MYCBP2: variants seen among roughly 807,000 people sequenced by gnomAD.
MYCBP2 encodes the protein MYC binding protein 2, also known as E3 ubiquitin-protein ligase MYCBP2.
In MYCBP2, 120 loss-of-function variants were observed where a neutral mutation model predicts 525.3. The ratio of observed to expected loss-of-function variants is 0.23; its 90% CI spans 0.20 to 0.27. MYCBP2 has a LOEUF of 0.27. Among genes scored for constraint, MYCBP2 ranks in the 10% least tolerant of loss-of-function variants. MYCBP2 has a pLI of 1.00. For synonymous variants in MYCBP2, 1,894 were observed against 1,955.8 expected (o/e 0.97, Z 0.83); for missense variants, 4,149 against 5,657.1 (o/e 0.73, Z 8.55).
At chr13:77,051,692 C>T (rs929476474) in intron 81 of MYCBP2, 119 bp downstream of exon 81, 1 of 665,348 alleles carries the variant, frequency 1.5e-6, no homozygotes, top group Non-Finnish European at 2.5e-6. Context: ...CAACACTGAA[C>T]AAATATCAGA....
intron 17 of MYCBP2, among the ~76,000 whole-genome samples, chr13:77,237,995 G>C (rs1001579342): frequency 6.6e-6 from 1 of 152,152 alleles, no homozygotes. Flanking sequence ...TGTAATCCCA[G>C]CACTTTGGGA....
chr13:77,099,165 G>A (rs1461475706), intron 55 of MYCBP2, 152 bp from the exon 56 acceptor site: 24 of 1,030,790 alleles, frequency 2.3e-5, no homozygotes, highest in South Asian at 1.4e-4. Context: ...GAAAGAAGGG[G>A]GAAATATTTC....
At chr13:77,250,909 A>T (rs1478703059) in intron 15 of MYCBP2, among the ~76,000 whole-genome samples, 2 of 152,336 alleles carry the variant, frequency 1.3e-5, no homozygotes, top group Middle Eastern at 3.4e-3. Context: ...TCTGTTTTTA[A>T]ATAATGGTTT....
intron 21 of MYCBP2, among the ~76,000 whole-genome samples, chr13:77,214,792 C>T (rs1056165593): frequency 6.6e-6 from 1 of 152,134 alleles, no homozygotes; most frequent in African/African-American, 2.4e-5. Context: ...CTGTAGGCAA[C>T]TGTAACCCAT....
At position 77,098,850 on chromosome 13, in the gene MYCBP2, T is replaced by C; in HGVS notation, c.8304A>G (p.Glu2768=). The change falls in exon 56 of 83, where the codon GAA becomes GAG. Residue 2768 remains glutamate (E), a synonymous_variant. Coordinates refer to ENST00000544440, the MANE Select transcript of MYCBP2 (RefSeq NM_015057.5). ...PRGTESLSAS[E]SLILKSDAAK... Reference sequence around the variant, plus strand: ...CAGCATCAGATTTTAAGATGAGGGATTCACTAGCAGATAAACTTTCTGTGC... The same window carrying C: ...CAGCATCAGATTTTAAGATGAGGGACTCACTAGCAGATAAACTTTCTGTGC... 2 of 1,613,672 alleles carry C rather than the reference T, an allele frequency of 1.2e-6. No individual in the cohort carries two copies. The highest frequency in any genetic ancestry group is 8.5e-7 in the Non-Finnish European group (1 of 1,179,754).
At chr13:77,172,789 T>C (rs560432297) in intron 37 of MYCBP2, among the ~76,000 whole-genome samples, 1 of 152,348 alleles carries the variant, frequency 6.6e-6, no homozygotes, top group Admixed American at 6.5e-5. Flanking sequence ...ACTAGCCAAC[T>C]ATAACGAACA....
intron 47 of MYCBP2, among the ~76,000 whole-genome samples, chr13:77,150,016 A>G (rs1209325860): frequency 1.3e-5 from 2 of 152,232 alleles, no homozygotes; most frequent in East Asian, 3.8e-4. Flanking sequence ...TCAATGGCTC[A>G]CCACTGCTCT....
At chr13:77,144,204 C>T (rs1427074916) in intron 49 of MYCBP2, 1 of 485,506 alleles carries the variant, frequency 2.1e-6, no homozygotes, top group Admixed American at 3.5e-5. Flanking sequence ...TGACTAGTAA[C>T]ATCAGGAAAT....
chr13:77,076,774 C>G lies in MYCBP2; in HGVS notation c.11800G>C (p.Glu3934Gln). The change falls in exon 68 of 83, where the codon GAA becomes CAA. Residue 3934 changes from glutamate (E) to glutamine (Q), a missense_variant. Glu to Gln is a conservative substitution (Grantham distance 29). Around this residue, in one of 21 missense-constraint regions of MYCBP2, gnomAD observed 509 missense variants for 789.4 expected, o/e 0.64. Transcript: ENST00000544440. ...QEEKALLSSP[E>Q]GEEKVYNATS... ...ACATTGTATACTTTTTCTTCTCCTT[C>G]AGGTGATGACAATAGTGCTTTTTCC... 1 of 1,607,556 alleles carries G rather than the reference C, an allele frequency of 6.2e-7. No homozygotes were observed.
At chr13:77,118,934 C>T (rs914909030) in intron 55 of MYCBP2, among the ~76,000 whole-genome samples, 14 of 152,070 alleles carry the variant, frequency 9.2e-5, no homozygotes, top group African/African-American at 3.1e-4. Context: ...AGAAAATAAG[C>T]AATTAACAGT....
chr13:77,169,812 C>A, intron 38 of MYCBP2, 98 bp from the exon 39 acceptor site: 1 of 1,050,100 alleles, frequency 9.5e-7, no homozygotes, highest in African/African-American at 1.6e-5. Context: ...CTCTTTTGAG[C>A]GAAACTATAG....
chr13:77,055,632 C>T lies in MYCBP2; in HGVS notation c.13573G>A (p.Val4525Met), dbSNP rs2037801682. The change falls in exon 80 of 83, where the codon GTG becomes ATG. Residue 4525 changes from valine to methionine, a missense_variant. Physicochemically the swap from Val to Met is conservative, Grantham distance 21 (BLOSUM62 1). Around this residue, in one of 21 missense-constraint regions of MYCBP2, gnomAD observed 220 missense variants for 396.0 expected, o/e 0.56. Transcript: ENST00000544440. ...CCAGCTGGGTCATTATAAAACCTCACACCAGGAGTTGTGATAGCTTCACTC... is the reference window on the plus strand; with the variant it reads ...CCAGCTGGGTCATTATAAAACCTCATACCAGGAGTTGTGATAGCTTCACTC... ...HKSEAITTPG[V>M]RFYNDPAGYA... The T allele has an allele frequency of 6.2e-7, 1 of 1,614,104 alleles. No homozygotes were observed. Among genetic ancestry groups the T allele is most frequent in the Non-Finnish European group, 8.5e-7 (1 of 1,180,002 alleles).
At chr13:77,157,303 C>T (rs1032896293) in intron 45 of MYCBP2, among the ~76,000 whole-genome samples, 2 of 152,138 alleles carry the variant, frequency 1.3e-5, no homozygotes, top group African/African-American at 4.8e-5. Flanking sequence ...ACAATCAAAG[C>T]AACCTCTGCC....
In MYCBP2 at chr13:77,144,446, G is replaced by A. The variant is rs752407102; in HGVS notation, c.7302C>T (p.Ile2434=). The change falls in exon 49 of 83, where the codon ATC becomes ATT. Residue 2434 remains isoleucine, a splice_region_variant and synonymous_variant. Transcript: ENST00000544440. ...AGCTCATGGCTTTAAAGAAAATACC[G>A]ATTTCAATGCCATCAATGGTAACAT... is the stretch of plus-strand genomic sequence containing the variant. ...TLHVTIDGIE[I]DAGLEVKVKD... 200 of 1,601,022 alleles carry A rather than the reference G, an allele frequency of 1.2e-4. No individual in the cohort carries two copies. Among genetic ancestry groups the A allele is most frequent in the Middle Eastern group, 6.6e-4 (4 of 6,052 alleles).
At chr13:77,096,519 A>G (rs1443600657) in intron 56 of MYCBP2, 38 bp from the exon 57 acceptor site, 3 of 1,606,704 alleles carry the variant, frequency 1.9e-6, no homozygotes, top group Non-Finnish European at 2.6e-6. Flanking sequence ...TAACACTCCA[A>G]GTGTCCTTAA....
Position 77,098,707 on chromosome 13 carries a change from C to T in MYCBP2, c.8447G>A (p.Gly2816Asp), listed in dbSNP as rs1262366503. The T allele has an allele frequency of 1.2e-6, 2 of 1,613,308 alleles. No homozygotes were observed. Among genetic ancestry groups the T allele is most frequent in the African/African-American group, 1.3e-5 (1 of 74,788 alleles). The change falls in exon 56 of 83, where the codon GGT becomes GAT. Residue 2816 changes from glycine to aspartate, a missense_variant. Gly to Asp is a moderately conservative substitution (Grantham distance 94, BLOSUM62 -1). Transcript: ENST00000544440. ...TGGCTTAGGAGATGACAACCGAGAA[C>T]CTGGTCCTGGGGATTCAGCTCTGGA... ...SSSRAESPGP[G>D]SRLSSPKPKT...
At chr13:77,315,345 A>T (rs1379610696) in intron 1 of MYCBP2, among the ~76,000 whole-genome samples, 1 of 152,208 alleles carries the variant, frequency 6.6e-6, no homozygotes, top group Non-Finnish European at 1.5e-5. Flanking sequence ...ATTAGCAAGA[A>T]AAGAAAAGAA....
At chr13:77,090,019 A>G (rs2045117117) in intron 60 of MYCBP2, 87 bp downstream of exon 60, 4 of 1,190,254 alleles carry the variant, frequency 3.4e-6, no homozygotes, top group South Asian at 2.1e-5. Context: ...TTCAAAAATT[A>G]AATTTTAAAA....
chr13:77,072,238 C>T lies in MYCBP2; in HGVS notation c.11824-1527G>A, dbSNP rs1460042936. 2.0e-5 allele frequency among the ~76,000 whole-genome samples: 3 copies of T among 149,474 alleles called. No individual in the cohort carries two copies. The East Asian group carries it at 5.9e-4, about 29-fold the overall frequency. ...CCCAGGAGTCAGAGCTTGCAGTGAG[C>T]CGAGATTGCACCACTGCACTCCAGC... On this transcript the variant is annotated intron_variant, in intron 68 of 82. Transcript: ENST00000544440.
Sources: gnomAD v4.1 joint callset for allele counts (sites outside exome capture counted in the v4.1 genomes callset) on GRCh38, gnomAD v4.1.1 for gene constraint, gnomAD v4.1.1 regional missense constraint, MANE v1.5 for transcripts, NCBI Gene and HGNC (gene_info 2026-07-23, HGNC 2026-07-21) for gene names.